The following AGMO variants were observed in gnomAD, a reference collection of about 807,000 sequenced individuals.
The protein encoded by AGMO is alkylglycerol monooxygenase.
Under a neutral mutation model 60.2 loss-of-function variants are expected in AGMO, and 75 were observed. The observed-to-expected ratio is 1.25, with a 90% CI of 1.03 to 1.51. AGMO has a LOEUF of 1.51. Ranked by LOEUF, AGMO falls within the 40% of genes most tolerant of loss-of-function variation. The probability of loss-of-function intolerance (pLI) is 0.00; values close to 1 mark genes in which losing one functional copy is unlikely to be tolerated. For missense variants in AGMO, 763 were observed against 525.5 expected, an observed-to-expected ratio of 1.45 and a Z score of -4.42; for synonymous variants, 261 against 177.1, an observed-to-expected ratio of 1.47 and a Z score of -3.76.
chr7:15,561,660 C>T (rs570396373), intron 1 of AGMO, 60 bp downstream of exon 1: 7 of 1,474,326 alleles, frequency 4.7e-6, no homozygotes, highest in Non-Finnish European at 4.6e-6. Flanking sequence ...AGGAGATTGA[C>T]CTTACCATTT....
chr7:15,316,238 T>A (rs886578853), intron 12 of AGMO, among the ~76,000 whole-genome samples: 4 of 152,132 alleles, frequency 2.6e-5, no homozygotes, highest in African/African-American at 7.2e-5. Context: ...CTAGGCAACA[T>A]CAGCTCCAAG....
At chr7:15,378,476 C>T (rs184451086) in intron 10 of AGMO, among the ~76,000 whole-genome samples, 1 of 151,934 alleles carries the variant, frequency 6.6e-6, no homozygotes, top group Non-Finnish European at 1.5e-5. Context: ...TTTATGGGAT[C>T]AAATCAACAA....
chr7:15,226,758 C>G (rs1454589547), intron 12 of AGMO, among the ~76,000 whole-genome samples: 1 of 152,056 alleles, frequency 6.6e-6, no homozygotes, highest in Non-Finnish European at 1.5e-5. Flanking sequence ...TGATTTCTAA[C>G]TATTTCATGG....
the AGMO span, among the ~76,000 whole-genome samples, chr7:15,165,305 A>T: frequency 6.6e-6 from 1 of 152,114 alleles, no homozygotes; most frequent in Non-Finnish European, 1.5e-5. Flanking sequence ...GGTGATGGGT[A>T]CACTAGAAGC....
rs375947236 is a variant in AGMO at position 15,443,042 on chromosome 7, C to A, written c.410-11934G>T. ...AAAACCAACTTCCCACTCCATCTCC[C>A]CTCTGGCTTCGCCATCTGCTGAGAG... On this transcript the variant is annotated intron_variant, in intron 3 of 12. Transcript: ENST00000342526. 3.9e-5 allele frequency among the ~76,000 whole-genome samples: 6 copies of A among 152,310 alleles called. No individual in the cohort carries two copies. In the East Asian group the frequency reaches 1.2e-3, roughly 29 times the overall value.
intron 12 of AGMO, among the ~76,000 whole-genome samples, chr7:15,258,011 A>G (rs548590178): frequency 6.6e-6 from 1 of 152,332 alleles, no homozygotes; most frequent in African/African-American, 2.4e-5. Flanking sequence ...GAAAACTCAG[A>G]ATAATAAACT....
At chr7:15,468,042 A>C (rs1782340155) in intron 3 of AGMO, among the ~76,000 whole-genome samples, 1 of 152,130 alleles carries the variant, frequency 6.6e-6, no homozygotes, top group African/African-American at 2.4e-5. Flanking sequence ...ATTTTCTAAC[A>C]AATCTGCTCA....
At chr7:15,546,077 T>C (rs1288924676) in intron 2 of AGMO, among the ~76,000 whole-genome samples, 1 of 152,148 alleles carries the variant, frequency 6.6e-6, no homozygotes, top group Non-Finnish European at 1.5e-5. Context: ...AATTAGCATT[T>C]TACTGGGTCT....
chr7:15,144,212 G>T, the AGMO span, among the ~76,000 whole-genome samples: 50 of 151,776 alleles, frequency 3.3e-4, no homozygotes, highest in Non-Finnish European at 6.3e-4. Flanking sequence ...AGCTAACATT[G>T]GTGTTATTAG....
At chr7:15,254,671 A>C (rs1370688943) in intron 12 of AGMO, among the ~76,000 whole-genome samples, 2 of 152,162 alleles carry the variant, frequency 1.3e-5, no homozygotes, top group Non-Finnish European at 2.9e-5. Flanking sequence ...AATAACCAAA[A>C]TACGAAAGAT....
chr7:15,325,007 AT>A (rs1781293336), intron 12 of AGMO, among the ~76,000 whole-genome samples: 1 of 152,158 alleles, frequency 6.6e-6, no homozygotes, highest in South Asian at 2.1e-4. Context: ...TTAAAAAAAA[AT>A]TTTTGAGTTT....
intron 10 of AGMO, among the ~76,000 whole-genome samples, chr7:15,377,205 T>G (rs1489905088): frequency 1.3e-5 from 2 of 152,038 alleles, no homozygotes; most frequent in Admixed American, 1.3e-4. Context: ...ACAACCTTTC[T>G]TCCTAGTCAC....
At chr7:15,435,033 T>C (rs1473413514) in intron 3 of AGMO, among the ~76,000 whole-genome samples, 2 of 152,122 alleles carry the variant, frequency 1.3e-5, no homozygotes, top group South Asian at 4.1e-4. Context: ...TTTTGCTGTT[T>C]TTATGAGTAG....
intron 3 of AGMO, among the ~76,000 whole-genome samples, chr7:15,435,235 G>A (rs1269781962): frequency 1.3e-5 from 2 of 151,732 alleles, no homozygotes; most frequent in African/African-American, 2.4e-5. Context: ...ATACTTAGGC[G>A]TGGGATTATT....
chr7:15,456,318 T>C (rs1472552610), intron 3 of AGMO, among the ~76,000 whole-genome samples: 1 of 152,144 alleles, frequency 6.6e-6, no homozygotes, highest in East Asian at 1.9e-4. Flanking sequence ...GCATTGTCTC[T>C]GTTTCTCCTG....
intron 10 of AGMO, among the ~76,000 whole-genome samples, chr7:15,372,577 T>C (rs1487665460): frequency 6.6e-6 from 1 of 152,200 alleles, no homozygotes; most frequent in East Asian, 1.9e-4. Context: ...TGCCCTTGAA[T>C]TCATACCACC....
chr7:15,367,107 G>C (rs1783017837), intron 10 of AGMO, among the ~76,000 whole-genome samples: 1 of 151,586 alleles, frequency 6.6e-6, no homozygotes, highest in African/African-American at 2.4e-5. Context: ...GTTTGTTTTT[G>C]GACTCTCAGT....
At chr7:15,289,804 T>C (rs1402820041) in intron 12 of AGMO, among the ~76,000 whole-genome samples, 1 of 152,018 alleles carries the variant, frequency 6.6e-6, no homozygotes, top group African/African-American at 2.4e-5. Flanking sequence ...GTTTAAATAA[T>C]TACATTCATT....
At chr7:15,318,893 TACA>T (rs757611828) in intron 12 of AGMO, among the ~76,000 whole-genome samples, 1 of 152,154 alleles carries the variant, frequency 6.6e-6, no homozygotes, top group Non-Finnish European at 1.5e-5. Context: ...CCTTGCTAAT[TACA>T]ACACTTGATT....
Sources: allele counts gnomAD v4.1 joint callset (sites outside exome capture counted in the v4.1 genomes callset), GRCh38; gene constraint gnomAD v4.1.1; transcripts MANE v1.5; gene names NCBI Gene and HGNC (gene_info 2026-07-23, HGNC 2026-07-21).